TYW1: variants seen among roughly 807,000 people sequenced by gnomAD.
TYW1 encodes the protein tRNA-yW synthesizing protein 1 homolog.
TYW1 carries 46 observed loss-of-function variants against 96.2 expected under a neutral mutation model. The ratio of observed to expected loss-of-function variants is 0.48; its 90% confidence interval spans 0.38 to 0.61. The LOEUF is 0.61. Among genes scored for constraint, TYW1 ranks in the 20% least tolerant of loss-of-function variants. The pLI is 0.00. For synonymous variants in TYW1, 274 were observed against 323.0 expected (o/e 0.85, Z 1.63); for missense variants, 684 against 909.6 (o/e 0.75, Z 3.19).
At chr7:67,177,628 A>G (rs73700365) in intron 13 of TYW1, among the ~76,000 whole-genome samples, 42,754 of 152,120 alleles carry the variant, frequency 0.28, 6,523 homozygotes, top group African/African-American at 0.4. Flanking sequence ...GCTTACATCC[A>G]CAGGCAGATG....
chr7:67,123,845 T>C (rs565524590), intron 13 of TYW1, among the ~76,000 whole-genome samples: 2 of 152,228 alleles, frequency 1.3e-5, no homozygotes, highest in South Asian at 2.1e-4. Context: ...AAAAAGAAAA[T>C]AGCTTTACCA....
intron 12 of TYW1, among the ~76,000 whole-genome samples, chr7:67,114,102 C>T (rs1185293075): frequency 6.6e-6 from 1 of 152,184 alleles, no homozygotes; most frequent in South Asian, 2.1e-4. Flanking sequence ...TGTGCCAGCT[C>T]GCTGAGTGGT....
In TYW1 at chr7:66,998,046, T is replaced by C; in HGVS notation, c.5-19T>C. Reference sequence around the variant, plus strand: ...ATATGTAGCTTTAAATGAAATTGTGTGTGTCATTTTAAATTTAGATCCTTC... The same window carrying C: ...ATATGTAGCTTTAAATGAAATTGTGCGTGTCATTTTAAATTTAGATCCTTC... On this transcript the variant is annotated intron_variant, in intron 1 of 15. Coordinates refer to ENST00000359626, the MANE Select transcript of TYW1 (RefSeq NM_018264.4). The C allele has an allele frequency of 6.4e-7, 1 of 1,571,366 alleles. No individual in the cohort carries two copies. The highest frequency in any genetic ancestry group is 8.6e-7 in the Non-Finnish European group (1 of 1,164,188).
intron 13 of TYW1, among the ~76,000 whole-genome samples, chr7:67,152,798 A>G (rs1402135929): frequency 6.6e-6 from 1 of 151,916 alleles, no homozygotes; most frequent in Non-Finnish European, 1.5e-5. Context: ...GACAGGTTTC[A>G]CCATGTTAGC....
rs756812583 is a variant in TYW1 at position 67,067,322 on chromosome 7, C to G, written c.1193C>G (p.Thr398Arg). The G allele has an allele frequency of 8.7e-6, 14 of 1,613,992 alleles. No individual in the cohort carries two copies. The highest frequency in any genetic ancestry group is 1.2e-5 in the Non-Finnish European group (14 of 1,179,864). The change falls in exon 10 of 16, where the codon ACA becomes AGA. Residue 398 changes from threonine to arginine, a missense_variant. Physicochemically the swap from Thr to Arg is moderately conservative, Grantham distance 71. Transcript: ENST00000359626. The part of the protein sequence containing the change: ...LRGRGGCYKH[T>R]FYGIESHRCM... ...GGGAGAGGAGGTTGTTACAAACACA[C>G]ATTCTATGGAATTGAGAGCCATCGC...
chr7:67,012,931 C>G (rs981747799), intron 4 of TYW1, among the ~76,000 whole-genome samples: 4 of 151,174 alleles, frequency 2.6e-5, no homozygotes, highest in African/African-American at 9.7e-5. Context: ...CTCTAAAATC[C>G]AAAAAACTTC....
chr7:67,090,897 TA>T (rs1796694533), intron 11 of TYW1, among the ~76,000 whole-genome samples: 2 of 152,154 alleles, frequency 1.3e-5, no homozygotes, highest in Non-Finnish European at 2.9e-5. Context: ...TGGTGATCAT[TA>T]AAAAGTCAGG....
At chr7:67,014,605 ACACACACACG>A (rs1167345539) in intron 5 of TYW1, 44 bp downstream of exon 5, 1 of 1,570,764 alleles carries the variant, frequency 6.4e-7, no homozygotes, top group Non-Finnish European at 8.7e-7. Flanking sequence ...CCCCATAAAC[ACACACACACG>A]CACACACACG....
At chr7:67,207,872 C>T (rs919116479) in intron 15 of TYW1, among the ~76,000 whole-genome samples, 1 of 152,032 alleles carries the variant, frequency 6.6e-6, no homozygotes, top group Admixed American at 6.6e-5. Flanking sequence ...AGGTGCCTGA[C>T]ACCATGCCCA....
At chr7:67,173,564 A>G (rs1799577767) in intron 13 of TYW1, among the ~76,000 whole-genome samples, 1 of 152,082 alleles carries the variant, frequency 6.6e-6, no homozygotes, top group African/African-American at 2.4e-5. Flanking sequence ...ATAGATAATC[A>G]TGCTATCTCT....
chr7:67,061,630 A>G (rs1271462711), intron 9 of TYW1, among the ~76,000 whole-genome samples: 1 of 152,230 alleles, frequency 6.6e-6, no homozygotes, highest in African/African-American at 2.4e-5. Flanking sequence ...AAGACATTTC[A>G]GCCAAAGCCT....
intron 15 of TYW1, among the ~76,000 whole-genome samples, chr7:67,204,860 T>G (rs1800730157): frequency 6.6e-6 from 1 of 152,170 alleles, no homozygotes; most frequent in Non-Finnish European, 1.5e-5. Flanking sequence ...TCCCTGGGAT[T>G]ACAGGCATGA....
rs199620247 is a variant in TYW1 at position 67,099,239 on chromosome 7, C to A, written c.1562+521C>A. Among the ~76,000 whole-genome samples the A allele has an allele frequency of 6.6e-5, 10 of 152,072 alleles. No homozygotes were observed. In the East Asian group the frequency reaches 1.9e-3, roughly 29 times the overall value. On this transcript the variant is annotated intron_variant, in intron 12 of 15. Coordinates refer to ENST00000359626, the MANE Select transcript of TYW1 (RefSeq NM_018264.4). ...TAGAGATGGGCTTTCACCATGTTGG[C>A]CAAACTGGTCTTGAACTCCTTACCT...
At chr7:67,142,185 C>G (rs1798470997) in intron 13 of TYW1, among the ~76,000 whole-genome samples, 1 of 151,476 alleles carries the variant, frequency 6.6e-6, no homozygotes, top group East Asian at 2.0e-4. Flanking sequence ...AGCCTTGAAC[C>G]CCTGGGCTCA....
At chr7:67,183,424 A>G (rs1172818896) in intron 14 of TYW1, among the ~76,000 whole-genome samples, 188 bp downstream of exon 14, 2 of 152,174 alleles carry the variant, frequency 1.3e-5, no homozygotes, top group Non-Finnish European at 2.9e-5. Context: ...ATAGCAGTCA[A>G]GAAGACCAAG....
intron 11 of TYW1, among the ~76,000 whole-genome samples, chr7:67,094,194 A>G (rs1248027263): frequency 1.3e-5 from 2 of 152,156 alleles, no homozygotes; most frequent in Non-Finnish European, 2.9e-5. Flanking sequence ...TTATGGCTGC[A>G]TAGTATTCCA....
At chr7:67,089,984 G>A (rs1796662336) in intron 11 of TYW1, among the ~76,000 whole-genome samples, 2 of 152,288 alleles carry the variant, frequency 1.3e-5, no homozygotes, top group East Asian at 3.9e-4. Context: ...CAAACATCAA[G>A]TGATTGCACC....
chr7:67,150,781 CT>C (rs1195603145), intron 13 of TYW1, among the ~76,000 whole-genome samples: 13 of 150,958 alleles, frequency 8.6e-5, no homozygotes, highest in Non-Finnish European at 1.3e-4. Flanking sequence ...CAGGCCTTGT[CT>C]TTTTTTTCCC....
At chr7:67,111,518 G>T (rs1797406488) in intron 12 of TYW1, among the ~76,000 whole-genome samples, 1 of 152,038 alleles carries the variant, frequency 6.6e-6, no homozygotes, top group Non-Finnish European at 1.5e-5. Context: ...CATTTTCAAA[G>T]AAACAAAAGT....
Sources: allele counts gnomAD v4.1 joint callset (sites outside exome capture counted in the v4.1 genomes callset), GRCh38; gene constraint gnomAD v4.1.1; transcripts MANE v1.5; gene names NCBI Gene and HGNC (gene_info 2026-07-23, HGNC 2026-07-21).